Variants in FHOD1 observed in about 807,000 individuals in gnomAD.
FHOD1 encodes FH1/FH2 domain-containing protein 1.
In FHOD1, 89 loss-of-function variants were observed where a neutral mutation model predicts 111.6. That is an observed-to-expected ratio of 0.80 (90% CI 0.67 to 0.95). The LOEUF (loss-of-function observed/expected upper bound fraction) is 0.95. Ranked by LOEUF, FHOD1 falls within the 40% of genes least tolerant of loss-of-function variation. FHOD1 has a pLI of 0.00. For synonymous variants in FHOD1, 618 were observed against 639.0 expected (o/e 0.97, Z 0.50); for missense variants, 1,446 against 1,554.2 (o/e 0.93, Z 1.17).
At chr16:67,236,042 CTGGGGG>C (rs1319697646) in intron 11 of FHOD1, 2 of 984,496 alleles carry the variant, frequency 2.0e-6, no homozygotes, top group African/African-American at 3.5e-5. Context: ...CAGGAGGGGA[CTGGGGG>C]ACGGGTGGGC....
chr16:67,240,977 A>G (rs1360110597), intron 1 of FHOD1, among the ~76,000 whole-genome samples: 1 of 152,102 alleles, frequency 6.6e-6, no homozygotes, highest in African/African-American at 2.4e-5. Context: ...AAGGGCTTCC[A>G]ACTGGCCTTG....
intron 10 of FHOD1, 90 bp from the exon 11 acceptor site, chr16:67,236,823 G>A (rs1321737999): frequency 3.9e-6 from 4 of 1,015,224 alleles, no homozygotes; most frequent in Non-Finnish European, 5.3e-6. Context: ...GGGAGGTGGG[G>A]CATGTCGGTA....
chr16:67,243,001 ATATC>A (rs1225258455), intron 1 of FHOD1, among the ~76,000 whole-genome samples: 4 of 151,426 alleles, frequency 2.6e-5, no homozygotes, highest in Non-Finnish European at 5.9e-5. Flanking sequence ...TCTATTACAT[ATATC>A]TATTATATAT....
At position 67,230,634 on chromosome 16, in the gene FHOD1, A is replaced by G. The variant is rs773523134; in HGVS notation, c.2825T>C (p.Met942Thr). ...FLDQCARRVA[M>T]LRIVHRRVCN... ...GACACGGCGGTGCACTATCCTTAGCATGGCAACACGGCGGGCACACTGGTC... is the reference window on the plus strand; with the variant it reads ...GACACGGCGGTGCACTATCCTTAGCGTGGCAACACGGCGGGCACACTGGTC... Residue 942 changes from methionine to threonine, a missense_variant, in exon 18 of 22, where the codon ATG becomes ACG. Physicochemically the swap from Met to Thr is moderately conservative, Grantham distance 81. Transcript: ENST00000258201. The G allele has an allele frequency of 2.2e-5, 35 of 1,613,946 alleles. No homozygotes were observed. The East Asian group carries it at 6.7e-4, about 31-fold the overall frequency.
In FHOD1 at chr16:67,234,342, C is replaced by CACCCACCT; in HGVS notation, c.1435+7_1435+14dup. The CACCCACCT allele has an allele frequency of 6.2e-7, 1 of 1,607,962 alleles. No homozygotes were observed. Among genetic ancestry groups the CACCCACCT allele is most frequent in the East Asian group, 2.2e-5 (1 of 44,756 alleles). On this transcript the variant is annotated intron_variant, in intron 12 of 21. Transcript: ENST00000258201. ...AAGCAACAGGCAGGCTCTGCCTGCTCACCCACCTACTCACCTGGGTGTCCA... is the reference window on the plus strand; with the variant it reads ...AAGCAACAGGCAGGCTCTGCCTGCTCACCCACCTACCCACCTACTCACCTGGGTGTCCA...
chr16:67,232,156 CA>C lies in FHOD1; in HGVS notation c.2084del (p.Leu695ArgfsTer13). 1 of 1,614,176 alleles carries C rather than the reference CA, an allele frequency of 6.2e-7. No homozygotes were observed. The highest frequency in any genetic ancestry group is 2.2e-5 in the East Asian group (1 of 44,888). Reference protein sequence around the residue: ...GEGRRTMTTVLDPKRSNAINI... With the variant: ...GEGRRTMTTVXDPKRSNAINI... ...TGATGGCGTTGCTGCGCTTGGGGTC[CA>C]GCACTGTGGTCATTGTCCGGCGGCC... On this transcript the variant is annotated frameshift_variant, in exon 14 of 22. Coordinates refer to ENST00000258201, the MANE Select transcript of FHOD1 (RefSeq NM_013241.3). LOFTEE classifies it high-confidence loss of function.
rs2034599239 is a variant in FHOD1, at chr16:67,239,221, C to T, written c.308+127G>A. On this transcript the variant is annotated intron_variant, in intron 2 of 21. Coordinates refer to ENST00000258201, the MANE Select transcript of FHOD1 (RefSeq NM_013241.3). Reference sequence around the variant, plus strand: ...GCCAGGCTTTAGAATTCCCCTGGCACACTTCCCTGGGGCAGGAGGTGACCC... The same window carrying T: ...GCCAGGCTTTAGAATTCCCCTGGCATACTTCCCTGGGGCAGGAGGTGACCC... The T allele has an allele frequency of 4.9e-6, 4 of 811,280 alleles. 1 individual carries two copies. The highest frequency in any genetic ancestry group is 4.5e-5 in the South Asian group (3 of 66,968). 50.3% of individuals were successfully genotyped at this position (811,280 alleles called of 1,614,324 possible).
Position 67,237,657 on chromosome 16 carries a change from CGGT to C in FHOD1, c.751_753del (p.Thr251del). 1 of 1,614,010 alleles carries C rather than the reference CGGT, an allele frequency of 6.2e-7. No homozygotes were observed. The highest frequency in any genetic ancestry group is 8.5e-7 in the Non-Finnish European group (1 of 1,179,914). ...GGGGGAGAAAGGGACAGTCTCTGACCGGTGGTGCTGGCCACAGAGTTCACTGCA... is the reference window on the plus strand; with the variant it reads ...GGGGGAGAAAGGGACAGTCTCTGACCGGTGCTGGCCACAGAGTTCACTGCA... On this transcript the variant is annotated inframe_deletion and splice_region_variant, in exon 7 of 22. Transcript: ENST00000258201. This position sits in a 1 kb window ranked among gnomAD's most constrained non-coding sequence, Gnocchi z 5.6.
Position 67,231,900 on chromosome 16 carries a change from T to C in FHOD1, c.2203-81A>G. On this transcript the variant is annotated intron_variant, in intron 14 of 21. Transcript: ENST00000258201. The surrounding 1 kb of genome is among the most constrained non-coding windows in gnomAD (Gnocchi z 4.3). Reference sequence around the variant, plus strand: ...GGCATTGGTCTTGACCCCTCAGTCATCTAGGGGAGGCCCCAGTGTCTGGGG... The same window carrying C: ...GGCATTGGTCTTGACCCCTCAGTCACCTAGGGGAGGCCCCAGTGTCTGGGG... 2 of 1,541,660 alleles carry C rather than the reference T, an allele frequency of 1.3e-6. No individual in the cohort carries two copies. The highest frequency in any genetic ancestry group is 1.8e-6 in the Non-Finnish European group (2 of 1,137,688).
At chr16:67,235,869 G>A in intron 11 of FHOD1, 1 of 180,506 alleles carries the variant, frequency 5.5e-6, no homozygotes, top group Non-Finnish European at 1.1e-5. Context: ...CTTAGCCTTT[G>A]GGTTACCGAG....
chr16:67,247,116 G>T, intron 1 of FHOD1, 94 bp downstream of exon 1: 1 of 1,341,926 alleles, frequency 7.5e-7, no homozygotes. Flanking sequence ...AAGAACACTC[G>T]CTCCAGCCTC....
chr16:67,230,473 G>T lies in FHOD1; in HGVS notation c.2892C>A (p.Thr964=). 6.2e-7 allele frequency: 1 copy of T among 1,614,248 alleles called. No homozygotes were observed. The highest frequency in any genetic ancestry group is 8.5e-7 in the Non-Finnish European group (1 of 1,180,050). The change falls in exon 19 of 22, where the codon ACC becomes ACA. Residue 964 remains threonine, a synonymous_variant. Transcript: ENST00000258201. ...TGCGCACTTCACGGGCCGCCTGCGG[G>T]GTGTAGCCCAGGTAGAGCAGGAAGG... is the stretch of plus-strand genomic sequence containing the variant. The part of the protein sequence containing the change: ...FHAFLLYLGY[T]PQAAREVRIM...
At position 67,233,929 on chromosome 16, in the gene FHOD1, G is replaced by A. The variant is rs766789787; in HGVS notation, c.1774C>T (p.Pro592Ser). ...GGTGGGAAGGGGCCTTTGATGGGTG[G>A]GGGAGGTGGAAGTGGGGGAGGGGGG... ...VPPPPPLPPP[P>S]PIKGPFPPPP... Residue 592 changes from proline to serine, a missense_variant, in exon 13 of 22, where the codon CCA becomes TCA. Physicochemically the swap from Pro to Ser is moderately conservative, Grantham distance 74. Around this residue, in one of 3 missense-constraint regions of FHOD1, gnomAD observed 1,085 missense variants for 1,108.8 expected, o/e 0.98. Coordinates refer to ENST00000258201, the MANE Select transcript of FHOD1 (RefSeq NM_013241.3). 1.3e-6 allele frequency: 2 copies of A among 1,582,830 alleles called. No individual in the cohort carries two copies. Among genetic ancestry groups the A allele is most frequent in the Admixed American group, 3.5e-5 (2 of 57,306 alleles).
In FHOD1 at chr16:67,238,364, C is replaced by T; in HGVS notation, c.441+16G>A. 1 of 1,614,116 alleles carries T rather than the reference C, an allele frequency of 6.2e-7. No homozygotes were observed. The highest frequency in any genetic ancestry group is 1.7e-5 in the Admixed American group (1 of 60,010). ...TTGGGCTACACACTTACCCCCAGCC[C>T]ACTGCGGGGCCTCACCTGGAAGATC... On this transcript the variant is annotated intron_variant, in intron 4 of 21. Transcript: ENST00000258201. This position sits in a 1 kb window ranked among gnomAD's most constrained non-coding sequence, Gnocchi z 4.2.
intron 13 of FHOD1, among the ~76,000 whole-genome samples, chr16:67,232,573 C>T (rs954380560): frequency 1.3e-5 from 2 of 151,592 alleles, no homozygotes; most frequent in Admixed American, 1.3e-4. Context: ...GGACAGCAAC[C>T]TCAGAGGGCA....
chr16:67,234,660 GGGA>G, intron 11 of FHOD1, 188 bp from the exon 12 acceptor site: 1 of 551,594 alleles, frequency 1.8e-6, no homozygotes, highest in Non-Finnish European at 3.3e-6. Flanking sequence ...TCCACATCTG[GGGA>G]GGATTACTAC....
In FHOD1 at chr16:67,237,902, G is replaced by T; in HGVS notation, c.642+132C>A. 7.7e-7 allele frequency: 1 copy of T among 1,292,762 alleles called. No homozygotes were observed. Among genetic ancestry groups the T allele is most frequent in the Non-Finnish European group, 1.1e-6 (1 of 903,704 alleles). 80.1% of individuals were successfully genotyped at this position (1,292,762 alleles called of 1,614,324 possible). On this transcript the variant is annotated intron_variant, in intron 6 of 21. Coordinates refer to ENST00000258201, the MANE Select transcript of FHOD1 (RefSeq NM_013241.3). This position sits in a 1 kb window ranked among gnomAD's most constrained non-coding sequence, Gnocchi z 5.6. ...AGAATGACCCTGGCCCCAGGCCCAGGCACTGAAGTGCCTTATAGGCTTACA... is the reference window on the plus strand; with the variant it reads ...AGAATGACCCTGGCCCCAGGCCCAGTCACTGAAGTGCCTTATAGGCTTACA...
At chr16:67,235,352 A>G (rs1329199992) in intron 11 of FHOD1, among the ~76,000 whole-genome samples, 1 of 152,054 alleles carries the variant, frequency 6.6e-6, no homozygotes, top group Non-Finnish European at 1.5e-5. Context: ...CAACATGGTG[A>G]AACCCTGTCT....
rs374244234 is a variant in FHOD1, at chr16:67,238,775, G to A, written c.373+128C>T. Reference sequence around the variant, plus strand: ...ACCATGGCCCTGGAAGAAGAGGTCAGGATAGGGAGAGGAAGGAGCACATAC... The same window carrying A: ...ACCATGGCCCTGGAAGAAGAGGTCAAGATAGGGAGAGGAAGGAGCACATAC... On this transcript the variant is annotated intron_variant, in intron 3 of 21. Coordinates refer to ENST00000258201, the MANE Select transcript of FHOD1 (RefSeq NM_013241.3). The surrounding 1 kb of genome is among the most constrained non-coding windows in gnomAD (Gnocchi z 4.2). The A allele has an allele frequency of 4.7e-5, 42 of 888,912 alleles. No individual in the cohort carries two copies. The highest frequency in any genetic ancestry group is 3.8e-4 in the East Asian group (15 of 39,476). The allele number at this position is 888,912 out of a possible 1,614,324, so 55.1% of individuals were successfully genotyped here. A position where few individuals can be genotyped will look rare whatever the true frequency, so the allele number is the denominator to read the frequency against.
Sources: gnomAD v4.1 joint callset for allele counts (sites outside exome capture counted in the v4.1 genomes callset) on GRCh38, gnomAD v4.1.1 for gene constraint, gnomAD v4.1.1 regional missense constraint, Gnocchi (gnomAD v3.1) non-coding constraint, MANE v1.5 for transcripts, NCBI Gene and HGNC (gene_info 2026-07-23, HGNC 2026-07-21) for gene names.